The following CSMD1 variants were observed in gnomAD, a reference collection of about 807,000 sequenced individuals.
CSMD1 encodes CUB and sushi domain-containing protein 1.
Under a neutral mutation model 417.5 loss-of-function variants are expected in CSMD1, and 213 were observed. The ratio of observed to expected loss-of-function variants is 0.51; its 90% CI spans 0.46 to 0.57. The LOEUF is 0.57. CSMD1 is among the 20% of genes least tolerant of loss of function. The pLI is 0.00. For missense variants in CSMD1, 6,923 were observed against 4,529.7 expected (o/e 1.53, Z -15.17); for synonymous variants, 2,862 against 1,736.8 (o/e 1.65, Z -16.11).
intron 1 of CSMD1, 93 bp from the exon 2 acceptor site, chr8:4,637,651 T>A (rs1432064497): frequency 4.8e-6 from 1 of 209,210 alleles, no homozygotes; most frequent in African/African-American, 6.4e-5. Flanking sequence ...CCAATTTTTT[T>A]TTTTTTTTTT....
At chr8:3,682,170 C>G (rs372628602) in intron 7 of CSMD1, among the ~76,000 whole-genome samples, 2 of 152,106 alleles carry the variant, frequency 1.3e-5, no homozygotes, top group African/African-American at 4.8e-5. Context: ...GCAATGGCAA[C>G]AAAAGCCAAA....
intron 5 of CSMD1, among the ~76,000 whole-genome samples, chr8:3,842,300 T>A (rs928587130): frequency 6.6e-5 from 10 of 152,128 alleles, no homozygotes; most frequent in Non-Finnish European, 1.5e-4. Context: ...CACTTTTCAT[T>A]CCAGTAGTTT....
intron 49 of CSMD1, among the ~76,000 whole-genome samples, chr8:3,065,207 TGATAGATAA>T (rs1812843469): frequency 6.6e-6 from 1 of 151,888 alleles, no homozygotes; most frequent in African/African-American, 2.4e-5. Context: ...AGATATATAG[TGATAGATAA>T]ATGACAGATG....
chr8:3,046,430 C>G (rs540794519), intron 50 of CSMD1, among the ~76,000 whole-genome samples: 1 of 152,288 alleles, frequency 6.6e-6, no homozygotes, highest in Admixed American at 6.5e-5. Context: ...CAGGCTTCTG[C>G]CCACCTTCTT....
intron 5 of CSMD1, among the ~76,000 whole-genome samples, chr8:3,940,253 T>G (rs1810787086): frequency 6.6e-6 from 1 of 152,024 alleles, no homozygotes; most frequent in Non-Finnish European, 1.5e-5. Context: ...ACAGAAGAAA[T>G]CAGACTCTGA....
intron 25 of CSMD1, among the ~76,000 whole-genome samples, chr8:3,304,193 T>G (rs1804630739): frequency 6.6e-6 from 1 of 152,182 alleles, no homozygotes; most frequent in Non-Finnish European, 1.5e-5. Flanking sequence ...ACATTTATAT[T>G]AAGATATTTT....
chr8:4,994,520 G>C lies in CSMD1; in HGVS notation c.-104C>G, dbSNP rs949455733. ...ACCCGAGGGCAAGGCGAGCCGGAGA[G>C]AGAGCCCGGTCCCAAGACCCGCCGC... On this transcript the variant is annotated 5_prime_UTR_variant, in exon 1 of 70. Coordinates refer to ENST00000635120, the MANE Select transcript of CSMD1 (RefSeq NM_033225.6). 16 of 1,080,678 alleles carry C rather than the reference G, an allele frequency of 1.5e-5. No individual in the cohort carries two copies. The highest frequency in any genetic ancestry group is 2.6e-5 in the East Asian group (1 of 38,758). The allele number at this position is 1,080,678 out of a possible 1,614,324, so 66.9% of individuals were successfully genotyped here. A position where few individuals can be genotyped will look rare whatever the true frequency, so the allele number is the denominator to read the frequency against.
intron 1 of CSMD1, among the ~76,000 whole-genome samples, chr8:4,843,775 G>A (rs968845475): frequency 3.9e-5 from 6 of 152,194 alleles, no homozygotes; most frequent in East Asian, 1.9e-4. Context: ...TCTCTGGAAC[G>A]TATCCGTTGA....
intron 7 of CSMD1, among the ~76,000 whole-genome samples, chr8:3,660,773 G>C (rs1798375341): frequency 6.6e-6 from 1 of 151,950 alleles, no homozygotes; most frequent in African/African-American, 2.4e-5. Context: ...CACACACCTC[G>C]GCCTCTCAAA....
chr8:3,575,889 T>C (rs1031587882), intron 9 of CSMD1, among the ~76,000 whole-genome samples: 1 of 152,010 alleles, frequency 6.6e-6, no homozygotes, highest in African/African-American at 2.4e-5. Flanking sequence ...AAATATAATG[T>C]CAGCAGAGAC....
intron 1 of CSMD1, among the ~76,000 whole-genome samples, chr8:4,716,021 G>C (rs1385857119): frequency 6.6e-6 from 1 of 152,172 alleles, no homozygotes. Context: ...CAGGGGCCAG[G>C]GCAGATTCCA....
chr8:2,955,993 G>C (rs924083994), intron 63 of CSMD1, among the ~76,000 whole-genome samples: 46 of 151,726 alleles, frequency 3.0e-4, no homozygotes, highest in African/African-American at 9.9e-4. Context: ...CTCCTGTTTT[G>C]ACCTCCCAAA....
chr8:3,691,195 C>T (rs373239485), intron 7 of CSMD1, among the ~76,000 whole-genome samples: 75 of 151,992 alleles, frequency 4.9e-4, no homozygotes, highest in African/African-American at 1.7e-3. Context: ...GGTGAAACCA[C>T]GTCTCTACAA....
intron 25 of CSMD1, among the ~76,000 whole-genome samples, chr8:3,306,050 T>C (rs956284566): frequency 6.6e-6 from 1 of 152,158 alleles, no homozygotes; most frequent in South Asian, 2.1e-4. Flanking sequence ...AGATATGCTT[T>C]AATTGTTGTT....
intron 1 of CSMD1, among the ~76,000 whole-genome samples, chr8:4,687,282 C>A (rs1321339836): frequency 6.6e-6 from 1 of 152,122 alleles, no homozygotes; most frequent in East Asian, 1.9e-4. Flanking sequence ...GGACAAGGAG[C>A]CTTACTGAGG....
At chr8:4,062,610 A>T (rs1011518415) in intron 3 of CSMD1, among the ~76,000 whole-genome samples, 1 of 152,198 alleles carries the variant, frequency 6.6e-6, no homozygotes, top group Non-Finnish European at 1.5e-5. Flanking sequence ...CTGATCTTAA[A>T]GCTGGAAAAA....
rs35043129 is a variant in CSMD1, at chr8:2,950,261, G to A, written c.10284C>T (p.Phe3428=). The A allele has an allele frequency of 0.13, 215,464 of 1,610,916 alleles. 15,168 individuals are homozygous for A. The highest frequency in any genetic ancestry group is 0.22 in the African/African-American group (16,149 of 74,836). ...KGQADIFVSK[F]ENDNWGLDGY... ...CATCTAGTCCCCAGTTGTCATTTTCGAACTTGCTTACAAAAATATCTGCCT... is the reference window on the plus strand; with the variant it reads ...CATCTAGTCCCCAGTTGTCATTTTCAAACTTGCTTACAAAAATATCTGCCT... The change falls in exon 67 of 70, where the codon TTC becomes TTT. Residue 3428 remains phenylalanine (F), a synonymous_variant. Coordinates refer to ENST00000635120, the MANE Select transcript of CSMD1 (RefSeq NM_033225.6).
intron 37 of CSMD1, among the ~76,000 whole-genome samples, chr8:3,167,145 C>T (rs780502444): frequency 3.9e-5 from 6 of 152,074 alleles, no homozygotes; most frequent in East Asian, 1.9e-4. Flanking sequence ...ATTAGCCAGG[C>T]GTGGTGGCAT....
At chr8:3,642,297 A>G (rs147417852) in intron 7 of CSMD1, among the ~76,000 whole-genome samples, 9 of 152,264 alleles carry the variant, frequency 5.9e-5, no homozygotes, top group African/African-American at 2.2e-4. Context: ...TGAAAAAGAG[A>G]TCAGAAAGAG....
Sources: allele counts gnomAD v4.1 joint callset (sites outside exome capture counted in the v4.1 genomes callset), GRCh38; gene constraint gnomAD v4.1.1; transcripts MANE v1.5; gene names NCBI Gene and HGNC (gene_info 2026-07-23, HGNC 2026-07-21).